PITPNC1: variants seen among roughly 807,000 people sequenced by gnomAD.
PITPNC1 encodes the protein phosphatidylinositol transfer protein cytoplasmic 1, also known as cytoplasmic phosphatidylinositol transfer protein 1.
In PITPNC1, 18 loss-of-function variants were observed where a neutral mutation model predicts 44.7. The ratio of observed to expected loss-of-function variants is 0.40; its 90% CI spans 0.28 to 0.60. The LOEUF is 0.60. Among genes scored for constraint, PITPNC1 ranks in the 20% least tolerant of loss-of-function variants. PITPNC1 has a pLI of 0.39. For synonymous variants in PITPNC1, 141 were observed against 149.6 expected (o/e 0.94, Z 0.42); for missense variants, 290 against 418.4 (o/e 0.69, Z 2.68).
chr17:67,436,906 G>GGGTT (rs2038944480), intron 1 of PITPNC1, among the ~76,000 whole-genome samples: 2 of 123,578 alleles, frequency 1.6e-5, no homozygotes, highest in Non-Finnish European at 3.4e-5. Context: ...GAAAATAGGG[G>GGGTT]TGTTTTTTTT....
rs531172899 is a variant in PITPNC1, at chr17:67,410,140, G to A, written c.48+31938G>A. ...CATTCTGTTTGTTCTGTCTCTCATT[G>A]AAAAAAGTCATTACTAAAAAGAAAC... On this transcript the variant is annotated intron_variant, in intron 1 of 8. Coordinates refer to ENST00000581322, the MANE Select transcript of PITPNC1 (RefSeq NM_012417.4). Among the ~76,000 whole-genome samples the A allele has an allele frequency of 4.6e-5, 7 of 152,230 alleles. 1 individual carries two copies. The South Asian group carries it at 1.4e-3, about 32-fold the overall frequency.
At chr17:67,396,788 G>A (rs2038226447) in intron 1 of PITPNC1, among the ~76,000 whole-genome samples, 1 of 151,852 alleles carries the variant, frequency 6.6e-6, no homozygotes, top group African/African-American at 2.4e-5. Flanking sequence ...CTGAATAGCT[G>A]GGACCACAGG....
At chr17:67,559,363 C>G (rs2040878265) in intron 4 of PITPNC1, among the ~76,000 whole-genome samples, 1 of 152,194 alleles carries the variant, frequency 6.6e-6, no homozygotes, top group Non-Finnish European at 1.5e-5. Context: ...GTGAAAGTCC[C>G]TAAGAGTCCC....
chr17:67,408,130 A>G, intron 1 of PITPNC1, among the ~76,000 whole-genome samples: 2 of 151,590 alleles, frequency 1.3e-5, no homozygotes, highest in Non-Finnish European at 2.9e-5. Context: ...AATTTTTTGT[A>G]TTTTTAGTAG....
chr17:67,668,778 C>A (rs949028261), intron 6 of PITPNC1, among the ~76,000 whole-genome samples: 2 of 138,220 alleles, frequency 1.4e-5, no homozygotes, highest in Non-Finnish European at 3.2e-5. Flanking sequence ...AGGAGAATGG[C>A]GTGAACCCGG....
At chr17:67,506,938 GT>G (rs897580745) in intron 1 of PITPNC1, among the ~76,000 whole-genome samples, 1 of 151,988 alleles carries the variant, frequency 6.6e-6, no homozygotes, top group East Asian at 1.9e-4. Context: ...TTCTGGATTT[GT>G]TTTTTTAAAA....
intron 5 of PITPNC1, among the ~76,000 whole-genome samples, chr17:67,620,134 A>G (rs547576773): frequency 2.6e-5 from 4 of 152,034 alleles, no homozygotes; most frequent in African/African-American, 4.8e-5. Flanking sequence ...GCTCACTGCA[A>G]TCTTAACCTC....
intron 1 of PITPNC1, among the ~76,000 whole-genome samples, chr17:67,505,069 G>C (rs189994835): frequency 6.6e-6 from 1 of 152,168 alleles, no homozygotes; most frequent in African/African-American, 2.4e-5. Context: ...CTATTCCATT[G>C]TTGTCGGAGA....
Position 67,599,021 on chromosome 17 carries a change from TATATATATA to T in PITPNC1, c.366+20765_366+20773del, listed in dbSNP as rs1160486450. Among the ~76,000 whole-genome samples, 190 of 40,388 alleles carry T rather than the reference TATATATATA, an allele frequency of 4.7e-3. 5 individuals carry two copies. The highest frequency in any genetic ancestry group is 0.019 in the African/African-American group (183 of 9,612). The allele number at this position is 40,388 out of a possible 152,430, so 26.5% of individuals were successfully genotyped here. ...AAATACATATATATATATATATATA[TATATATATA>T]TATATTTTTTTTTTTTTTTTTTTTA... On this transcript the variant is annotated intron_variant, in intron 5 of 8. Coordinates refer to ENST00000581322, the MANE Select transcript of PITPNC1 (RefSeq NM_012417.4).
chr17:67,476,476 A>C (rs952227356), intron 1 of PITPNC1, among the ~76,000 whole-genome samples: 1 of 151,868 alleles, frequency 6.6e-6, no homozygotes, highest in Non-Finnish European at 1.5e-5. Context: ...GTTACCCACC[A>C]CGCCCGGCCT....
At chr17:67,494,450 G>A (rs536953030) in intron 1 of PITPNC1, among the ~76,000 whole-genome samples, 8 of 151,718 alleles carry the variant, frequency 5.3e-5, no homozygotes, top group Admixed American at 3.3e-4. Flanking sequence ...CACCCGCCTC[G>A]GCCTCCCAAA....
intron 6 of PITPNC1, among the ~76,000 whole-genome samples, chr17:67,654,279 C>T (rs964256324): frequency 6.6e-6 from 1 of 152,204 alleles, no homozygotes; most frequent in Admixed American, 6.5e-5. Flanking sequence ...CATGTGACAG[C>T]TTCCAGAAAA....
chr17:67,459,723 G>C (rs2039309253), intron 1 of PITPNC1: 1 of 152,120 alleles, frequency 6.6e-6, no homozygotes, highest in Non-Finnish European at 1.5e-5. Context: ...TTTCTATGCT[G>C]TGTCATCAGT....
At chr17:67,450,236 A>G (rs997552986) in intron 1 of PITPNC1, among the ~76,000 whole-genome samples, 6 of 152,170 alleles carry the variant, frequency 3.9e-5, no homozygotes, top group African/African-American at 1.4e-4. Context: ...GGCTGTGTGA[A>G]TGCAAACTGC....
intron 1 of PITPNC1, among the ~76,000 whole-genome samples, chr17:67,424,759 G>A (rs377722310): frequency 2.6e-5 from 4 of 151,824 alleles, no homozygotes; most frequent in Non-Finnish European, 5.9e-5. Flanking sequence ...GTACAGTGGC[G>A]TGATCGGCTC....
At chr17:67,568,252 A>T (rs2041007354) in intron 4 of PITPNC1, among the ~76,000 whole-genome samples, 1 of 152,198 alleles carries the variant, frequency 6.6e-6, no homozygotes, top group Non-Finnish European at 1.5e-5. Context: ...GGAACAAAAG[A>T]CCACATATGA....
chr17:67,631,992 T>C, intron 5 of PITPNC1, 151 bp from the exon 6 acceptor site: 1 of 590,786 alleles, frequency 1.7e-6, no homozygotes, highest in Non-Finnish European at 3.0e-6. Flanking sequence ...AAGCCTTCTA[T>C]GATTCTTGCG....
chr17:67,632,369 C>A, intron 6 of PITPNC1, 131 bp downstream of exon 6: 1 of 645,078 alleles, frequency 1.6e-6, no homozygotes. Context: ...TCGTATCTTG[C>A]TGGTTCTTTT....
chr17:67,383,626 C>T (rs1327554963), intron 1 of PITPNC1, among the ~76,000 whole-genome samples: 3 of 152,230 alleles, frequency 2.0e-5, no homozygotes, highest in African/African-American at 2.4e-5. Context: ...TCACCCTGCA[C>T]CTGCCACCCT....
Sources: gnomAD v4.1 joint callset for allele counts (sites outside exome capture counted in the v4.1 genomes callset) on GRCh38, gnomAD v4.1.1 for gene constraint, MANE v1.5 for transcripts, NCBI Gene and HGNC (gene_info 2026-07-23, HGNC 2026-07-21) for gene names.